Variants in HSPA14 observed in about 807,000 individuals in gnomAD.
The protein encoded by HSPA14 is heat shock protein family A (Hsp70) member 14.
In HSPA14, 37 loss-of-function variants were observed where a neutral mutation model predicts 65.5. The observed-to-expected ratio is 0.56, with a 90% CI of 0.43 to 0.74. HSPA14 has a LOEUF of 0.74. Ranked by LOEUF, HSPA14 falls within the 30% of genes least tolerant of loss-of-function variation. The pLI is 0.00. For missense variants in HSPA14, 564 were observed against 607.6 expected (o/e 0.93, Z 0.75); for synonymous variants, 203 against 214.2 (o/e 0.95, Z 0.46).
chr10:14,863,773 T>G (rs970996058), intron 10 of HSPA14, among the ~76,000 whole-genome samples: 1 of 152,180 alleles, frequency 6.6e-6, no homozygotes, highest in African/African-American at 2.4e-5. Context: ...ATAGGGAGTT[T>G]AATCCATTTT....
intron 3 of HSPA14, chr10:14,843,824 A>G (rs2131636863): frequency 6.5e-7 from 1 of 1,536,438 alleles, no homozygotes; most frequent in East Asian, 2.4e-5. Flanking sequence ...GCAGTGGAAG[A>G]GGCAACTGGT....
At chr10:14,856,051 C>G (rs1189142274) in intron 10 of HSPA14, 108 bp downstream of exon 10, 1 of 678,272 alleles carries the variant, frequency 1.5e-6, no homozygotes, top group Non-Finnish European at 2.6e-6. Flanking sequence ...TAAGAATTTT[C>G]TTAGATTGTG....
intron 10 of HSPA14, among the ~76,000 whole-genome samples, chr10:14,862,153 A>G (rs1832755328): frequency 6.8e-6 from 1 of 147,968 alleles, no homozygotes; most frequent in Admixed American, 6.7e-5. Flanking sequence ...CAGCCTCCCC[A>G]GTAGCTGGGA....
At chr10:14,867,429 T>G (rs1832816984) in intron 11 of HSPA14, 134 bp downstream of exon 11, 1 of 635,480 alleles carries the variant, frequency 1.6e-6, no homozygotes, top group African/African-American at 1.8e-5. Context: ...CTGACAGGTC[T>G]TAAATTTAGA....
chr10:14,842,853 C>T lies in HSPA14; in HGVS notation c.221+2696C>T, dbSNP rs1274294694. The stretch of plus-strand genomic sequence containing the variant: ...GATGAATCCTCGGGTGCAGGTAACT[C>T]CCAAGCATGTGAAGGAGTTGGGTCC... On this transcript the variant is annotated intron_variant, in intron 3 of 13. Coordinates refer to ENST00000378372, the MANE Select transcript of HSPA14 (RefSeq NM_016299.4). This position sits in a 1 kb window ranked among gnomAD's most constrained non-coding sequence, Gnocchi z 5.2. 2.0e-6 allele frequency: 3 copies of T among 1,516,348 alleles called. No individual in the cohort carries two copies. Among genetic ancestry groups the T allele is most frequent in the Non-Finnish European group, 2.6e-6 (3 of 1,135,320 alleles). The allele number at this position is 1,516,348 out of a possible 1,614,324, so 93.9% of individuals were successfully genotyped here.
Position 14,842,386 on chromosome 10 carries a change from G to T in HSPA14, c.221+2229G>T. The T allele has an allele frequency of 6.5e-7, 1 of 1,536,160 alleles. No individual in the cohort carries two copies. Among genetic ancestry groups the T allele is most frequent in the South Asian group, 1.2e-5 (1 of 84,060 alleles). ...AGGCAGAGTATATTCAGCGCCTCCA[G>T]ACTGTGCATCACAATGCAGATGTCT... On this transcript the variant is annotated intron_variant, in intron 3 of 13. Transcript: ENST00000378372. The surrounding 1 kb of genome is among the most constrained non-coding windows in gnomAD (Gnocchi z 5.2).
At chr10:14,848,926 T>G (rs1834086874) in intron 5 of HSPA14, 31 bp downstream of exon 5, 2 of 1,129,662 alleles carry the variant, frequency 1.8e-6, no homozygotes, top group African/African-American at 3.1e-5. Context: ...AATAGTTACC[T>G]TTAATGATCT....
intron 10 of HSPA14, among the ~76,000 whole-genome samples, chr10:14,856,863 A>G (rs969640708): frequency 3.9e-5 from 6 of 152,208 alleles, no homozygotes; most frequent in Non-Finnish European, 4.4e-5. Context: ...CATCTCACAA[A>G]TAAAATAAAA....
intron 6 of HSPA14, 36 bp downstream of exon 6, chr10:14,849,847 A>G (rs754577777): frequency 7.9e-7 from 1 of 1,273,876 alleles, no homozygotes. Flanking sequence ...GGCTTAATTA[A>G]AGGAAGTACA....
chr10:14,867,958 GA>G, intron 12 of HSPA14, 49 bp downstream of exon 12: 1 of 1,457,442 alleles, frequency 6.9e-7, no homozygotes. Flanking sequence ...TTGCTTTCTG[GA>G]TTAGATTCAG....
chr10:14,842,748 C>A lies in HSPA14; in HGVS notation c.221+2591C>A. On this transcript the variant is annotated intron_variant, in intron 3 of 13. Coordinates refer to ENST00000378372, the MANE Select transcript of HSPA14 (RefSeq NM_016299.4). This position sits in a 1 kb window ranked among gnomAD's most constrained non-coding sequence, Gnocchi z 5.2. ...GCTGATCATCAGCCTATCTTGAAAA[C>A]AGTTAAGGCATCAGATGAGGATTGT... is the stretch of plus-strand genomic sequence containing the variant. 2 of 1,536,572 alleles carry A rather than the reference C, an allele frequency of 1.3e-6. No homozygotes were observed. The highest frequency in any genetic ancestry group is 2.4e-5 in the South Asian group (2 of 84,054).
chr10:14,864,600 C>A (rs111471902), intron 10 of HSPA14, among the ~76,000 whole-genome samples: 1 of 151,600 alleles, frequency 6.6e-6, no homozygotes, highest in African/African-American at 2.4e-5. Flanking sequence ...TTTGTCCTTG[C>A]GATAGTTTGC....
chr10:14,842,799 G>T lies in HSPA14; in HGVS notation c.221+2642G>T. Reference sequence around the variant, plus strand: ...CAGCTAAGAATCAGTGACCGGATACGAGAAACCAGTGACCTTGAGGACTCC... The same window carrying T: ...CAGCTAAGAATCAGTGACCGGATACTAGAAACCAGTGACCTTGAGGACTCC... On this transcript the variant is annotated intron_variant, in intron 3 of 13. Coordinates refer to ENST00000378372, the MANE Select transcript of HSPA14 (RefSeq NM_016299.4). The surrounding 1 kb of genome is among the most constrained non-coding windows in gnomAD (Gnocchi z 5.2). 1 of 1,536,266 alleles carries T rather than the reference G, an allele frequency of 6.5e-7. No individual in the cohort carries two copies. The highest frequency in any genetic ancestry group is 1.2e-5 in the South Asian group (1 of 84,032).
Position 14,846,122 on chromosome 10 carries a change from TCTTTA to T in HSPA14, c.222-2481_222-2477del, listed in dbSNP as rs58992426. 7.8e-3 allele frequency: 7,654 copies of T among 983,734 alleles called. 460 individuals are homozygous for T. In the African/African-American group the frequency reaches 0.13, roughly 16 times the overall value. The allele number at this position is 983,734 out of a possible 1,614,324, so 60.9% of individuals were successfully genotyped here. A position where few individuals can be genotyped will look rare whatever the true frequency, so the allele number is the denominator to read the frequency against. Reference sequence around the variant, plus strand: ...TAAGTGCCACACCAGACATATAGACTCTTTACTTTAAAAGAGCATATATTTAAGGC... The same window carrying T: ...TAAGTGCCACACCAGACATATAGACTCTTTAAAAGAGCATATATTTAAGGC... On this transcript the variant is annotated intron_variant, in intron 3 of 13. Coordinates refer to ENST00000378372, the MANE Select transcript of HSPA14 (RefSeq NM_016299.4).
intron 10 of HSPA14, among the ~76,000 whole-genome samples, chr10:14,861,303 AG>A: frequency 6.6e-6 from 1 of 152,132 alleles, no homozygotes; most frequent in Non-Finnish European, 1.5e-5. Context: ...CTTTTGTTTG[AG>A]ACTCTGTCCA....
At position 14,843,658 on chromosome 10, in the gene HSPA14, T is replaced by C. The variant is rs1288663907; in HGVS notation, c.221+3501T>C. The stretch of plus-strand genomic sequence containing the variant: ...AGTGGCCAGGACTATCGCAGCCGAG[T>C]TGGCAGAAAACAGGCGATTGGCACG... On this transcript the variant is annotated intron_variant, in intron 3 of 13. Transcript: ENST00000378372. The C allele has an allele frequency of 3.9e-6, 6 of 1,549,010 alleles. No homozygotes were observed. The African/African-American group carries it at 4.1e-5, about 11-fold the overall frequency.
At chr10:14,844,604 C>T (rs900161417) in intron 3 of HSPA14, 1 of 985,408 alleles carries the variant, frequency 1.0e-6, no homozygotes, top group Non-Finnish European at 1.2e-6. Flanking sequence ...CTTCATTTTA[C>T]TGGTTCTTAG....
At chr10:14,845,611 TGAGAAAAAG>T in intron 3 of HSPA14, 1 of 815,878 alleles carries the variant, frequency 1.2e-6, no homozygotes, top group South Asian at 5.6e-5. Context: ...TTTTTTTTTT[TGAGAAAAAG>T]TCTCACTGTT....
At chr10:14,860,676 G>C (rs545925620) in intron 10 of HSPA14, among the ~76,000 whole-genome samples, 1 of 152,290 alleles carries the variant, frequency 6.6e-6, no homozygotes, top group Non-Finnish European at 1.5e-5. Flanking sequence ...ACGGTGGACA[G>C]AGGTGAGCTT....
Sources: allele counts gnomAD v4.1 joint callset (sites outside exome capture counted in the v4.1 genomes callset), GRCh38; gene constraint gnomAD v4.1.1; non-coding constraint Gnocchi (gnomAD v3.1); transcripts MANE v1.5; gene names NCBI Gene and HGNC (gene_info 2026-07-23, HGNC 2026-07-21).